The following LYPD6B variants were observed in gnomAD, a reference collection of about 807,000 sequenced individuals.
The protein encoded by LYPD6B is LY6/PLAUR domain containing 6B.
A neutral mutation model predicts 22.8 loss-of-function variants in LYPD6B; 17 were observed. That is an observed-to-expected ratio of 0.75 (90% CI 0.51 to 1.12). The LOEUF (loss-of-function observed/expected upper bound fraction) is 1.12, where lower values mean the gene tolerates loss of function less well. Ranked by LOEUF, LYPD6B falls within the 50% of genes most tolerant of loss-of-function variation. The pLI is 0.00. For synonymous variants in LYPD6B, 106 were observed against 91.6 expected, an observed-to-expected ratio of 1.16 and a Z score of -0.90; for missense variants, 221 against 258.3, an observed-to-expected ratio of 0.86 and a Z score of 0.99.
intron 3 of LYPD6B, among the ~76,000 whole-genome samples, chr2:149,186,892 G>A (rs922242599): frequency 6.6e-6 from 1 of 152,142 alleles, no homozygotes; most frequent in African/African-American, 2.4e-5. Flanking sequence ...CTCAATTGAT[G>A]TAGCAAACTT....
At position 149,160,755 on chromosome 2, in the gene LYPD6B, C is replaced by T. The variant is rs1690004316; in HGVS notation, c.6-9C>T. 6.5e-7 allele frequency: 1 copy of T among 1,548,014 alleles called. No homozygotes were observed. Among genetic ancestry groups the T allele is most frequent in the African/African-American group, 1.4e-5 (1 of 73,074 alleles). ...TGGCTCTTTCCTTATCTTTTTTTATCTCTGGTAGGCTGATTACTCTGAGTG... is the reference window on the plus strand; with the variant it reads ...TGGCTCTTTCCTTATCTTTTTTTATTTCTGGTAGGCTGATTACTCTGAGTG... On this transcript the variant is annotated splice_polypyrimidine_tract_variant and intron_variant, in intron 2 of 6. Transcript: ENST00000409642.
At chr2:149,060,774 CACTTCCAAA>C (rs1161747214) in intron 1 of LYPD6B, among the ~76,000 whole-genome samples, 1 of 152,164 alleles carries the variant, frequency 6.6e-6, no homozygotes, top group African/African-American at 2.4e-5. Flanking sequence ...GCTACAGAGT[CACTTCCAAA>C]AGGGTAGGAG....
intron 2 of LYPD6B, among the ~76,000 whole-genome samples, chr2:149,143,585 C>T (rs1688831239): frequency 6.7e-6 from 1 of 150,362 alleles, no homozygotes; most frequent in South Asian, 2.1e-4. Flanking sequence ...CTATGGGTGA[C>T]AATAACTTGT....
intron 2 of LYPD6B, among the ~76,000 whole-genome samples, chr2:149,145,069 C>T (rs528691742): frequency 2.0e-5 from 3 of 152,270 alleles, no homozygotes; most frequent in South Asian, 2.1e-4. Context: ...TTCATAGCCT[C>T]GCTCAGATTC....
intron 1 of LYPD6B, among the ~76,000 whole-genome samples, chr2:149,049,432 C>T (rs951907423): frequency 6.6e-6 from 1 of 152,142 alleles, no homozygotes; most frequent in Non-Finnish European, 1.5e-5. Context: ...AAGTCTTGTA[C>T]CTCTAAATCA....
chr2:149,133,253 T>C (rs1688142798), intron 2 of LYPD6B, among the ~76,000 whole-genome samples: 1 of 152,188 alleles, frequency 6.6e-6, no homozygotes, highest in South Asian at 2.1e-4. Flanking sequence ...AATGAGGTAC[T>C]AAGACCCAGG....
At chr2:149,092,790 G>A (rs1271237017) in intron 1 of LYPD6B, among the ~76,000 whole-genome samples, 1 of 152,182 alleles carries the variant, frequency 6.6e-6, no homozygotes, top group African/African-American at 2.4e-5. Context: ...TGCTCAGGAT[G>A]GTGGACCAGT....
chr2:149,198,033 C>CTTTTTTTT (rs11360700), intron 3 of LYPD6B, among the ~76,000 whole-genome samples: 1 of 144,874 alleles, frequency 6.9e-6, no homozygotes, highest in South Asian at 2.2e-4. Context: ...CTAAGCTTTT[C>CTTTTTTTT]TTTTTTTTTT....
chr2:149,156,717 C>T (rs919321586), intron 2 of LYPD6B, among the ~76,000 whole-genome samples: 4 of 152,138 alleles, frequency 2.6e-5, no homozygotes, highest in African/African-American at 9.7e-5. Flanking sequence ...CCTCTTAAGA[C>T]TCTCCAGATA....
intron 2 of LYPD6B, among the ~76,000 whole-genome samples, chr2:149,140,629 T>C (rs1353817112): frequency 6.6e-6 from 1 of 152,234 alleles, no homozygotes; most frequent in African/African-American, 2.4e-5. Flanking sequence ...AGCTTATCCT[T>C]GCATTTAGAA....
chr2:149,211,289 A>T (rs1246835949), intron 5 of LYPD6B, among the ~76,000 whole-genome samples: 1 of 152,152 alleles, frequency 6.6e-6, no homozygotes, highest in African/African-American at 2.4e-5. Flanking sequence ...CTCAAACCAT[A>T]TCAATTGCCA....
At chr2:149,064,053 A>C (rs747329538) in intron 1 of LYPD6B, among the ~76,000 whole-genome samples, 1 of 152,274 alleles carries the variant, frequency 6.6e-6, no homozygotes, top group Non-Finnish European at 1.5e-5. Flanking sequence ...ATATTTTTCC[A>C]TGCCCATATA....
intron 3 of LYPD6B, among the ~76,000 whole-genome samples, chr2:149,171,162 GC>G (rs1690789576): frequency 6.6e-6 from 1 of 152,066 alleles, no homozygotes; most frequent in Non-Finnish European, 1.5e-5. Flanking sequence ...AATAATGTGT[GC>G]CCGGGAGCAG....
intron 5 of LYPD6B, among the ~76,000 whole-genome samples, chr2:149,212,220 CA>C (rs933016289): frequency 1.1e-3 from 151 of 139,644 alleles, no homozygotes; most frequent in East Asian, 2.7e-3. Flanking sequence ...TACTAAAAAT[CA>C]AAAAAAAAAA....
chr2:149,113,157 T>A (rs1460174387), intron 1 of LYPD6B, among the ~76,000 whole-genome samples: 1 of 151,946 alleles, frequency 6.6e-6, no homozygotes, highest in African/African-American at 2.4e-5. Flanking sequence ...CCCTAAGTTG[T>A]ACCTCAGCAT....
chr2:149,188,797 C>T, intron 3 of LYPD6B: 1 of 391,590 alleles, frequency 2.6e-6, no homozygotes, highest in East Asian at 1.6e-4. Flanking sequence ...GGAGTTCTTC[C>T]TGTCTTCCAG....
intron 1 of LYPD6B, among the ~76,000 whole-genome samples, chr2:149,115,034 G>A (rs755193395): frequency 2.4e-4 from 36 of 152,134 alleles, no homozygotes; most frequent in Non-Finnish European, 4.6e-4. Context: ...CTGCCTCCAG[G>A]TTCAATTGAT....
intron 1 of LYPD6B, among the ~76,000 whole-genome samples, chr2:149,124,758 T>C (rs1687590134): frequency 6.6e-6 from 1 of 152,204 alleles, no homozygotes; most frequent in Non-Finnish European, 1.5e-5. Context: ...ACTTGCTTGC[T>C]TTAGGATTAC....
intron 3 of LYPD6B, among the ~76,000 whole-genome samples, chr2:149,166,265 T>C (rs896403044): frequency 2.6e-5 from 4 of 152,176 alleles, no homozygotes; most frequent in African/African-American, 9.6e-5. Flanking sequence ...TTTGTTGAAC[T>C]CAATTAAGTC....
Sources: allele counts gnomAD v4.1 joint callset (sites outside exome capture counted in the v4.1 genomes callset), GRCh38; gene constraint gnomAD v4.1.1; transcripts MANE v1.5; gene names NCBI Gene and HGNC (gene_info 2026-07-23, HGNC 2026-07-21).